LIN52: variants seen among roughly 807,000 people sequenced by gnomAD.
The protein encoded by LIN52 is lin-52 DREAM MuvB core complex component.
LIN52 carries 4 observed loss-of-function variants against 18.5 expected under a neutral mutation model. The ratio of observed to expected loss-of-function variants is 0.22; its 90% CI spans 0.11 to 0.49. LIN52 has a LOEUF of 0.49. Among genes scored for constraint, LIN52 ranks in the 20% least tolerant of loss-of-function variants. The pLI is 0.97. For missense variants in LIN52, 102 were observed against 139.5 expected (o/e 0.73, Z 1.35); for synonymous variants, 34 against 45.5 (o/e 0.75, Z 1.02).
At chr14:74,143,047 A>G (rs1376070310) in intron 5 of LIN52, among the ~76,000 whole-genome samples, 2 of 151,830 alleles carry the variant, frequency 1.3e-5, no homozygotes, top group Non-Finnish European at 2.9e-5. Flanking sequence ...TAGATAGACT[A>G]TGGAATGAGT....
chr14:74,165,030 G>A (rs1463239055), intron 5 of LIN52, among the ~76,000 whole-genome samples: 2 of 152,132 alleles, frequency 1.3e-5, no homozygotes, highest in African/African-American at 2.4e-5. Flanking sequence ...CGATTCTGTG[G>A]TTGATTTAGA....
chr14:74,087,963 TG>T lies in LIN52; in HGVS notation c.19+2971del, dbSNP rs1429419870. ...AGGGTCTCTCTCACTCTATTGCCCA[TG>T]CTGAAATGCAGTGATATGATTATAG... On this transcript the variant is annotated intron_variant, in intron 1 of 5. Transcript: ENST00000555028. Among the ~76,000 whole-genome samples, 7 of 152,188 alleles carry T rather than the reference TG, an allele frequency of 4.6e-5. 1 individual carries two copies. The South Asian group carries it at 6.2e-4, about 14-fold the overall frequency.
rs1332347891 is a variant in LIN52 at position 74,176,983 on chromosome 14, G to C, written c.284-21939G>C. ...GTTTTGTTTATTCATTCATCAGTGG[G>C]ACATTTGGGTTGTTTCCACTTTTTT... On this transcript the variant is annotated intron_variant, in intron 5 of 5. Transcript: ENST00000555028. Among the ~76,000 whole-genome samples, 5 of 151,486 alleles carry C rather than the reference G, an allele frequency of 3.3e-5. No individual in the cohort carries two copies. In the East Asian group the frequency reaches 9.6e-4, roughly 29 times the overall value.
chr14:74,090,350 T>G (rs984591313), intron 1 of LIN52, among the ~76,000 whole-genome samples: 59 of 150,226 alleles, frequency 3.9e-4, no homozygotes, highest in African/African-American at 1.4e-3. Context: ...TTGTTTGTTT[T>G]TTTGAGATGG....
chr14:74,194,886 T>A (rs932376442), intron 5 of LIN52, among the ~76,000 whole-genome samples: 3 of 152,208 alleles, frequency 2.0e-5, no homozygotes, highest in African/African-American at 7.2e-5. Context: ...GGCTCATGCC[T>A]ATAATCCTAG....
intron 5 of LIN52, among the ~76,000 whole-genome samples, chr14:74,198,274 T>C (rs1273370198): frequency 2.6e-5 from 4 of 152,178 alleles, no homozygotes; most frequent in Admixed American, 2.6e-4. Flanking sequence ...AACTATAGCA[T>C]TCAAAGATTG....
intron 5 of LIN52, among the ~76,000 whole-genome samples, chr14:74,104,584 A>C (rs1595153702): frequency 7.0e-6 from 1 of 142,670 alleles, no homozygotes; most frequent in Admixed American, 6.9e-5. Context: ...GCACAGATAC[A>C]GGCTTGATTT....
At chr14:74,095,414 C>A (rs925480020) in intron 2 of LIN52, among the ~76,000 whole-genome samples, 8 of 151,990 alleles carry the variant, frequency 5.3e-5, no homozygotes, top group African/African-American at 1.9e-4. Context: ...GGACTACAGG[C>A]ATGAGCCACT....
At chr14:74,106,745 C>G (rs1043144404) in intron 5 of LIN52, among the ~76,000 whole-genome samples, 52 of 152,144 alleles carry the variant, frequency 3.4e-4, no homozygotes, top group African/African-American at 1.2e-3. Flanking sequence ...TGTGCACCAC[C>G]ATGCCCAGCG....
chr14:74,167,112 CTTTTT>C (rs9323596), intron 5 of LIN52, among the ~76,000 whole-genome samples: 5 of 119,124 alleles, frequency 4.2e-5, no homozygotes, highest in Non-Finnish European at 6.7e-5. Context: ...GCCTCTGCTG[CTTTTT>C]TTTTTTTTTT....
chr14:74,105,164 T>C (rs2060889031), intron 5 of LIN52, among the ~76,000 whole-genome samples: 1 of 152,232 alleles, frequency 6.6e-6, no homozygotes, highest in Non-Finnish European at 1.5e-5. Context: ...AATCAAAAAC[T>C]TGGTGTGGCA....
intron 5 of LIN52, among the ~76,000 whole-genome samples, chr14:74,130,278 G>GTTTGTTTT (rs1555382571): frequency 1.5e-5 from 1 of 64,840 alleles, no homozygotes; most frequent in Non-Finnish European, 2.8e-5. Context: ...GCATTTTTTG[G>GTTTGTTTT]TTTTTTTTTT....
At chr14:74,126,059 C>T (rs1342452413) in intron 5 of LIN52, among the ~76,000 whole-genome samples, 4 of 148,210 alleles carry the variant, frequency 2.7e-5, no homozygotes, top group African/African-American at 9.9e-5. Context: ...AAGAAATGAG[C>T]AAAGGACTTG....
intron 5 of LIN52, among the ~76,000 whole-genome samples, chr14:74,159,510 G>C (rs749460257): frequency 5.3e-5 from 8 of 151,474 alleles, no homozygotes; most frequent in Non-Finnish European, 1.0e-4. Flanking sequence ...TGTCTGTCTT[G>C]TCCAGGCAGA....
At chr14:74,126,433 A>C (rs2139931405) in intron 5 of LIN52, among the ~76,000 whole-genome samples, 1 of 152,350 alleles carries the variant, frequency 6.6e-6, no homozygotes, top group South Asian at 2.1e-4. Context: ...GCTTCTACAC[A>C]AATGTTCACA....
At chr14:74,103,961 C>T (rs560793085) in intron 5 of LIN52, among the ~76,000 whole-genome samples, 82 of 146,056 alleles carry the variant, frequency 5.6e-4, no homozygotes, top group Non-Finnish European at 9.9e-4. Context: ...TGCAGTGGCG[C>T]GATCTTGGCT....
chr14:74,098,610 C>T (rs946028831), intron 4 of LIN52, among the ~76,000 whole-genome samples: 4 of 148,096 alleles, frequency 2.7e-5, no homozygotes, highest in African/African-American at 5.0e-5. Context: ...TGCAGTGGTG[C>T]GATCTCGGCT....
chr14:74,196,767 T>C (rs2078914985), intron 5 of LIN52, among the ~76,000 whole-genome samples: 1 of 152,080 alleles, frequency 6.6e-6, no homozygotes, highest in Non-Finnish European at 1.5e-5. Context: ...CTCTGGAAAG[T>C]GTTGTGTTAA....
At chr14:74,125,515 C>A (rs7144191) in intron 5 of LIN52, among the ~76,000 whole-genome samples, 81,962 of 151,706 alleles carry the variant, frequency 0.54, 23,053 homozygotes, top group East Asian at 0.89. Context: ...TCTGGATATT[C>A]GCCCTTTGTC....
Sources: gnomAD v4.1 joint callset for allele counts (sites outside exome capture counted in the v4.1 genomes callset) on GRCh38, gnomAD v4.1.1 for gene constraint, MANE v1.5 for transcripts, NCBI Gene and HGNC (gene_info 2026-07-23, HGNC 2026-07-21) for gene names.